Variants in RBFOX1 observed in about 807,000 individuals in gnomAD.
RBFOX1 encodes the protein RNA binding fox-1 homolog 1, also known as RNA binding protein fox-1 homolog 1.
Under a neutral mutation model 57.7 loss-of-function variants are expected in RBFOX1, and 8 were observed. That is an observed-to-expected ratio of 0.14 (90% CI 0.08 to 0.25). The LOEUF is 0.25. Among genes scored for constraint, RBFOX1 ranks in the 10% least tolerant of loss-of-function variants. The pLI is 1.00. For missense variants in RBFOX1, 611 were observed against 548.5 expected (o/e 1.11, Z -1.14); for synonymous variants, 326 against 222.4 (o/e 1.47, Z -4.15).
chr16:5,783,711 G>A (rs894004510), intron 3 of RBFOX1, among the ~76,000 whole-genome samples: 26 of 152,196 alleles, frequency 1.7e-4, no homozygotes, highest in African/African-American at 5.8e-4. Flanking sequence ...TTTAATGGTT[G>A]TCTAAAATTC....
chr16:5,777,241 C>T (rs1403512562), intron 3 of RBFOX1, among the ~76,000 whole-genome samples: 1 of 152,168 alleles, frequency 6.6e-6, no homozygotes, highest in Non-Finnish European at 1.5e-5. Flanking sequence ...TCACCTACAC[C>T]CTTGGATCAT....
chr16:7,656,580 C>T (rs997654221), intron 12 of RBFOX1, among the ~76,000 whole-genome samples: 1 of 152,148 alleles, frequency 6.6e-6, no homozygotes, highest in Non-Finnish European at 1.5e-5. Context: ...GTCCAGAGAG[C>T]AGATTTCCTG....
chr16:7,161,948 C>G (rs868406200), intron 4 of RBFOX1, among the ~76,000 whole-genome samples: 4 of 152,216 alleles, frequency 2.6e-5, no homozygotes, highest in Admixed American at 6.5e-5. Flanking sequence ...CCAAGTTGAG[C>G]TTTCCAGGCA....
chr16:6,585,851 A>C (rs953242739), intron 2 of RBFOX1, among the ~76,000 whole-genome samples: 7 of 152,168 alleles, frequency 4.6e-5, no homozygotes, highest in African/African-American at 1.4e-4. Flanking sequence ...GATAATTTTA[A>C]GGAAATTCTG....
intron 2 of RBFOX1, among the ~76,000 whole-genome samples, chr16:6,581,355 G>A (rs1039438030): frequency 6.6e-6 from 1 of 152,206 alleles, no homozygotes; most frequent in South Asian, 2.1e-4. Flanking sequence ...CTTTGTTGGA[G>A]ATGGTGGTTA....
chr16:6,433,434 G>A (rs766293230), intron 2 of RBFOX1, among the ~76,000 whole-genome samples: 1 of 152,162 alleles, frequency 6.6e-6, no homozygotes, highest in African/African-American at 2.4e-5. Context: ...CTTTCTCATG[G>A]GACTCAGACA....
At chr16:7,434,360 T>A (rs901720709) in intron 4 of RBFOX1, among the ~76,000 whole-genome samples, 4 of 151,946 alleles carry the variant, frequency 2.6e-5, no homozygotes, top group African/African-American at 9.7e-5. Context: ...TAGTCCCAGC[T>A]ACTCTGAAGG....
At chr16:6,829,582 G>A (rs8045250) in intron 3 of RBFOX1, among the ~76,000 whole-genome samples, 78,393 of 151,570 alleles carry the variant, frequency 0.52, 21,649 homozygotes, top group East Asian at 0.79. Flanking sequence ...AATCATGTGA[G>A]TAATATGAAT....
intron 4 of RBFOX1, among the ~76,000 whole-genome samples, chr16:7,175,241 T>C (rs1163842529): frequency 1.3e-5 from 2 of 152,046 alleles, no homozygotes; most frequent in African/African-American, 2.4e-5. Context: ...GTTGTTCCTC[T>C]CCCTGTGCCC....
intron 2 of RBFOX1, among the ~76,000 whole-genome samples, chr16:6,423,708 A>G: frequency 6.6e-6 from 1 of 152,154 alleles, no homozygotes; most frequent in East Asian, 1.9e-4. Flanking sequence ...ACTGATGGAG[A>G]GACATGCCCC....
In RBFOX1 at chr16:7,542,447, G is replaced by C. The variant is rs192826375; in HGVS notation, c.270+24058G>C. 3.9e-5 allele frequency among the ~76,000 whole-genome samples: 6 copies of C among 152,204 alleles called. No homozygotes were observed. In the East Asian group the frequency reaches 9.7e-4, roughly 25 times the overall value. On this transcript the variant is annotated intron_variant, in intron 5 of 15. Transcript: ENST00000550418. ...TACCCAAACGGGTGCAAGTGCAGAGGAAGGAGAACATGGGGAAAGAGGCAA... is the reference window on the plus strand; with the variant it reads ...TACCCAAACGGGTGCAAGTGCAGAGCAAGGAGAACATGGGGAAAGAGGCAA...
chr16:7,067,342 C>G (rs9930626), intron 4 of RBFOX1, among the ~76,000 whole-genome samples: 100,751 of 151,628 alleles, frequency 0.66, 34,071 homozygotes, highest in South Asian at 0.74. Flanking sequence ...CACAAATTTA[C>G]TATTCTGCAG....
intron 4 of RBFOX1, among the ~76,000 whole-genome samples, chr16:7,313,903 G>A (rs913889642): frequency 3.3e-5 from 5 of 152,098 alleles, no homozygotes; most frequent in African/African-American, 4.8e-5. Flanking sequence ...TATGATTTAC[G>A]GAGAGACCTC....
intron 3 of RBFOX1, among the ~76,000 whole-genome samples, chr16:5,704,392 G>T (rs1744307283): frequency 6.6e-6 from 1 of 151,956 alleles, no homozygotes. Flanking sequence ...GGGGTCTGGG[G>T]GTCGCCACAA....
chr16:6,746,432 T>C (rs939997064), intron 3 of RBFOX1, among the ~76,000 whole-genome samples: 1 of 152,146 alleles, frequency 6.6e-6, no homozygotes, highest in Non-Finnish European at 1.5e-5. Context: ...ATCTCAGCAC[T>C]ATGGGAAGAC....
chr16:5,840,425 G>T (rs926993443), intron 3 of RBFOX1, among the ~76,000 whole-genome samples: 5 of 152,174 alleles, frequency 3.3e-5, no homozygotes, highest in African/African-American at 7.2e-5. Context: ...TGCCCCAGAG[G>T]ATGCTGTGCT....
At position 6,510,513 on chromosome 16, in the gene RBFOX1, C is replaced by G. The variant is rs541923888; in HGVS notation, c.-63-144090C>G. The stretch of plus-strand genomic sequence containing the variant: ...GGGACAGCAGGCACAGATGACAACA[C>G]ATTATTATCATTCATTTGTTCACTG... On this transcript the variant is annotated intron_variant, in intron 2 of 15. Coordinates refer to ENST00000550418, the MANE Select transcript of RBFOX1 (RefSeq NM_018723.4). Among the ~76,000 whole-genome samples the G allele has an allele frequency of 9.2e-5, 14 of 152,306 alleles. No individual in the cohort carries two copies. In the East Asian group the frequency reaches 2.3e-3, roughly 25 times the overall value.
chr16:7,203,749 A>G (rs2089268549), intron 4 of RBFOX1, among the ~76,000 whole-genome samples: 1 of 152,090 alleles, frequency 6.6e-6, no homozygotes, highest in Non-Finnish European at 1.5e-5. Context: ...CTGCTTGGTT[A>G]GTGACTCTTT....
chr16:7,490,567 T>C (rs940446587), intron 4 of RBFOX1, among the ~76,000 whole-genome samples: 1 of 152,232 alleles, frequency 6.6e-6, no homozygotes, highest in African/African-American at 2.4e-5. Context: ...AGAATTAAAA[T>C]AAATTCAACT....
Sources: allele counts gnomAD v4.1 joint callset (sites outside exome capture counted in the v4.1 genomes callset), GRCh38; gene constraint gnomAD v4.1.1; transcripts MANE v1.5; gene names NCBI Gene and HGNC (gene_info 2026-07-23, HGNC 2026-07-21).